The following TTL variants were observed in gnomAD, a reference collection of about 807,000 sequenced individuals.
TTL encodes the protein tubulin--tyrosine ligase.
In TTL, 10 loss-of-function variants were observed where a neutral mutation model predicts 41.1. That is an observed-to-expected ratio of 0.24 (90% confidence interval 0.15 to 0.41). The LOEUF (loss-of-function observed/expected upper bound fraction) is 0.41, where lower values mean the gene tolerates loss of function less well. Ranked by LOEUF, TTL falls within the 10% of genes least tolerant of loss-of-function variation. TTL has a pLI of 1.00. For synonymous variants in TTL, 175 were observed against 175.5 expected (o/e 1.00, Z 0.02); for missense variants, 367 against 460.4 (o/e 0.80, Z 1.86).
chr2:112,503,425 A>ATATT (rs1223510148), intron 5 of TTL, among the ~76,000 whole-genome samples: 2 of 145,024 alleles, frequency 1.4e-5, no homozygotes, highest in African/African-American at 5.0e-5. Context: ...ATATATTTAT[A>ATATT]TATTTATTTA....
At chr2:112,498,117 A>T (rs1681586350) in intron 3 of TTL, among the ~76,000 whole-genome samples, 1 of 152,188 alleles carries the variant, frequency 6.6e-6, no homozygotes, top group South Asian at 2.1e-4. Flanking sequence ...TGAGGTCAGG[A>T]GTTCGAGACC....
chr2:112,502,838 T>G, intron 4 of TTL, 74 bp from the exon 5 acceptor site: 2 of 1,492,900 alleles, frequency 1.3e-6, no homozygotes, highest in South Asian at 1.4e-5. Context: ...GAAGTCAAGA[T>G]GTGGGGATTG....
At chr2:112,524,349 A>G (rs1682321022) in intron 6 of TTL, among the ~76,000 whole-genome samples, 1 of 152,222 alleles carries the variant, frequency 6.6e-6, no homozygotes. Flanking sequence ...TTCTAGTTCT[A>G]GATCGTTGAG....
At chr2:112,521,533 A>G (rs1389606126) in intron 6 of TTL, among the ~76,000 whole-genome samples, 1 of 152,220 alleles carries the variant, frequency 6.6e-6, no homozygotes, top group Non-Finnish European at 1.5e-5. Flanking sequence ...CCTGCAAGGG[A>G]CGATGTCAAC....
rs1440329976 is a variant in TTL, at chr2:112,529,194, A to G, written c.*399A>G. 2 of 306,434 alleles carry G rather than the reference A, an allele frequency of 6.5e-6. No homozygotes were observed. The highest frequency in any genetic ancestry group is 1.2e-5 in the Non-Finnish European group (2 of 161,994). 19.0% of individuals were successfully genotyped at this position (306,434 alleles called of 1,614,324 possible). A position where few individuals can be genotyped will look rare whatever the true frequency, so the allele number is the denominator to read the frequency against. On this transcript the variant is annotated 3_prime_UTR_variant, in exon 7 of 7. Coordinates refer to ENST00000233336, the MANE Select transcript of TTL (RefSeq NM_153712.5). ...TGGACTATGGATTGGACGTCAGAGC[A>G]TATTGGAGGTTGCCTGTGTGTTCCC... is the stretch of plus-strand genomic sequence containing the variant.
intron 6 of TTL, among the ~76,000 whole-genome samples, chr2:112,521,893 G>A (rs1324793692): frequency 6.6e-6 from 1 of 152,180 alleles, no homozygotes; most frequent in African/African-American, 2.4e-5. Flanking sequence ...GAGATCTGAA[G>A]GCCAAACGCA....
intron 2 of TTL, among the ~76,000 whole-genome samples, 181 bp from the exon 3 acceptor site, chr2:112,493,962 T>A (rs112810406): frequency 6.6e-6 from 1 of 152,212 alleles, no homozygotes; most frequent in African/African-American, 2.4e-5. Flanking sequence ...ATCTAACAGC[T>A]GTGCGCTCCC....
chr2:112,524,755 A>G (rs1252101471), intron 6 of TTL, among the ~76,000 whole-genome samples: 3 of 151,972 alleles, frequency 2.0e-5, no homozygotes, highest in Non-Finnish European at 4.4e-5. Flanking sequence ...CTGTTTGCTG[A>G]TGGTAGTTTC....
chr2:112,492,347 G>A (rs1681410808), intron 2 of TTL, among the ~76,000 whole-genome samples: 1 of 152,224 alleles, frequency 6.6e-6, no homozygotes, highest in Admixed American at 6.5e-5. Context: ...CACTTTGGGA[G>A]GCTGAGGTGG....
rs953443379 is a variant in TTL, at chr2:112,539,324, C to T, written c.*10529C>T. The T allele has an allele frequency of 6.6e-6, 1 of 151,794 alleles. No homozygotes were observed. The highest frequency in any genetic ancestry group is 1.5e-5 in the Non-Finnish European group (1 of 67,984). The allele number at this position is 151,794 out of a possible 1,614,324, so 9.4% of individuals were successfully genotyped here. On this transcript the variant is annotated 3_prime_UTR_variant, in exon 7 of 7. Transcript: ENST00000233336. ...TGTACCCCCCTGATTCTAAAATAAA[C>T]GTTGAGAAGGGGAAAAGAAAGAATG...
intron 2 of TTL, among the ~76,000 whole-genome samples, chr2:112,487,090 T>C (rs1389539242): frequency 6.6e-6 from 1 of 152,224 alleles, no homozygotes; most frequent in African/African-American, 2.4e-5. Context: ...CAGTATTCTT[T>C]CCATGATGAC....
intron 2 of TTL, among the ~76,000 whole-genome samples, chr2:112,488,205 G>A (rs907445449): frequency 1.3e-5 from 2 of 152,180 alleles, no homozygotes; most frequent in East Asian, 3.9e-4. Flanking sequence ...ACAGATCAGA[G>A]GCTATCTTTT....
Position 112,513,886 on chromosome 2 carries a change from G to A in TTL, c.876-6396G>A, listed in dbSNP as rs920357827. Among the ~76,000 whole-genome samples, 4 of 151,978 alleles carry A rather than the reference G, an allele frequency of 2.6e-5. No individual in the cohort carries two copies. The East Asian group carries it at 7.7e-4, about 29-fold the overall frequency. ...TAGAAGGAAGGCAGAAGGGACACAG[G>A]GAAGAGGCTTAAAGATAGTGGATGG... On this transcript the variant is annotated intron_variant, in intron 5 of 6. Transcript: ENST00000233336.
chr2:112,495,335 C>A (rs1247006223), intron 3 of TTL, among the ~76,000 whole-genome samples: 1 of 152,178 alleles, frequency 6.6e-6, no homozygotes, highest in Admixed American at 6.6e-5. Context: ...CTTCTCTGTC[C>A]ATCTCTCCTA....
chr2:112,515,402 T>A (rs1245283765), intron 5 of TTL, among the ~76,000 whole-genome samples: 4 of 152,300 alleles, frequency 2.6e-5, no homozygotes, highest in African/African-American at 9.6e-5. Flanking sequence ...GACTTTTAGG[T>A]CTGTTTCTAT....
In TTL at chr2:112,532,134, G is replaced by A. The variant is rs1345971077; in HGVS notation, c.*3339G>A. ...GCTGGAAATGTACTGTGATCGAAGT[G>A]ACAAAGTGTGTTTTCATTCACAGTG... On this transcript the variant is annotated 3_prime_UTR_variant, in exon 7 of 7. Transcript: ENST00000233336. The A allele has an allele frequency of 8.8e-6, 2 of 226,958 alleles. No individual in the cohort carries two copies. Among genetic ancestry groups the A allele is most frequent in the Non-Finnish European group, 1.7e-5 (2 of 114,304 alleles). 14.1% of individuals were successfully genotyped at this position (226,958 alleles called of 1,614,324 possible).
intron 1 of TTL, chr2:112,483,221 T>A: frequency 6.6e-6 from 1 of 152,266 alleles, no homozygotes; most frequent in Non-Finnish European, 1.5e-5. Flanking sequence ...ATTACCTTCA[T>A]CCACATGGTT....
chr2:112,491,183 G>C (rs1681376101), intron 2 of TTL, among the ~76,000 whole-genome samples: 1 of 151,962 alleles, frequency 6.6e-6, no homozygotes, highest in Non-Finnish European at 1.5e-5. Context: ...AGTAGAGATA[G>C]GGTTTCACCG....
chr2:112,487,762 T>G (rs1387216386), intron 2 of TTL, among the ~76,000 whole-genome samples: 2 of 152,224 alleles, frequency 1.3e-5, no homozygotes, highest in Admixed American at 1.3e-4. Context: ...GGCTGGAGGT[T>G]GCATCATCCT....
Sources: allele counts gnomAD v4.1 joint callset (sites outside exome capture counted in the v4.1 genomes callset), GRCh38; gene constraint gnomAD v4.1.1; transcripts MANE v1.5; gene names NCBI Gene and HGNC (gene_info 2026-07-23, HGNC 2026-07-21).